Variants in KCNIP4 observed in about 807,000 individuals in gnomAD.
KCNIP4 encodes Kv channel-interacting protein 4.
Under a neutral mutation model 34.0 loss-of-function variants are expected in KCNIP4, and 12 were observed. That is an observed-to-expected ratio of 0.35 (90% CI 0.23 to 0.57). The LOEUF (loss-of-function observed/expected upper bound fraction) is 0.57. Among genes scored for constraint, KCNIP4 ranks in the 20% least tolerant of loss-of-function variants. KCNIP4 has a pLI of 0.83. For missense variants in KCNIP4, 238 were observed against 311.7 expected (o/e 0.76, Z 1.78); for synonymous variants, 124 against 102.2 (o/e 1.21, Z -1.29).
At chr4:20,825,755 A>T (rs1717682851) in intron 3 of KCNIP4, among the ~76,000 whole-genome samples, 1 of 152,172 alleles carries the variant, frequency 6.6e-6, no homozygotes, top group African/African-American at 2.4e-5. Flanking sequence ...TCTTAGGAGA[A>T]TGCAAATTGC....
intron 1 of KCNIP4, among the ~76,000 whole-genome samples, chr4:21,041,230 TCACACACACACACACA>T (rs57664737): frequency 6.9e-6 from 1 of 144,650 alleles, no homozygotes; most frequent in African/African-American, 2.6e-5. Context: ...GATATATATT[TCACACACACACACACA>T]CACACACACA....
intron 3 of KCNIP4, among the ~76,000 whole-genome samples, chr4:20,785,215 G>A (rs1488425345): frequency 6.6e-6 from 1 of 152,124 alleles, no homozygotes; most frequent in Non-Finnish European, 1.5e-5. Flanking sequence ...ACCAGTCTAT[G>A]AGGCTGGACT....
chr4:20,885,223 G>A (rs1725158368), intron 1 of KCNIP4, among the ~76,000 whole-genome samples: 1 of 152,048 alleles, frequency 6.6e-6, no homozygotes. Flanking sequence ...AGGATGAGAG[G>A]AGCGTGAATT....
At chr4:21,630,417 C>A (rs918013184) in intron 1 of KCNIP4, among the ~76,000 whole-genome samples, 34 of 151,244 alleles carry the variant, frequency 2.2e-4, no homozygotes, top group Non-Finnish European at 1.2e-4. Flanking sequence ...TGAGATCCTG[C>A]CACTGAACTC....
intron 1 of KCNIP4, among the ~76,000 whole-genome samples, chr4:21,760,574 GA>G (rs1338387524): frequency 1.3e-5 from 2 of 152,022 alleles, no homozygotes; most frequent in Non-Finnish European, 2.9e-5. Flanking sequence ...GCAGAATTCG[GA>G]ACCCCAGGGC....
At chr4:21,561,773 G>T (rs1027544129) in intron 1 of KCNIP4, among the ~76,000 whole-genome samples, 22 of 151,990 alleles carry the variant, frequency 1.4e-4, no homozygotes, top group Admixed American at 1.4e-3. Flanking sequence ...ATGGCAGTAA[G>T]AGTTTCACAT....
intron 1 of KCNIP4, among the ~76,000 whole-genome samples, chr4:21,586,437 G>T (rs112894402): frequency 7.2e-5 from 11 of 152,002 alleles, no homozygotes; most frequent in African/African-American, 2.2e-4. Flanking sequence ...GCCTCCCCCA[G>T]TGTCTCCCTT....
intron 2 of KCNIP4, among the ~76,000 whole-genome samples, chr4:20,852,312 A>T (rs1721123151): frequency 6.6e-6 from 1 of 152,198 alleles, no homozygotes; most frequent in South Asian, 2.1e-4. Context: ...GAATGCAGGG[A>T]TGGTTTAACA....
At chr4:21,881,457 A>T (rs951135411) in intron 1 of KCNIP4, among the ~76,000 whole-genome samples, 3 of 152,190 alleles carry the variant, frequency 2.0e-5, no homozygotes, top group Non-Finnish European at 4.4e-5. Flanking sequence ...TGAGTATTTG[A>T]AACCTTAATC....
At chr4:21,298,149 C>G (rs907947624) in intron 1 of KCNIP4, among the ~76,000 whole-genome samples, 1 of 152,172 alleles carries the variant, frequency 6.6e-6, no homozygotes, top group African/African-American at 2.4e-5. Context: ...CACTTTTTTT[C>G]ATCCTCTTTG....
chr4:20,992,479 C>A (rs1737163593), intron 1 of KCNIP4, among the ~76,000 whole-genome samples: 1 of 152,150 alleles, frequency 6.6e-6, no homozygotes, highest in African/African-American at 2.4e-5. Context: ...GGTGGGAACA[C>A]AGCCAAACCA....
intron 1 of KCNIP4, among the ~76,000 whole-genome samples, chr4:21,482,624 A>G (rs1403931121): frequency 1.3e-5 from 2 of 152,156 alleles, no homozygotes; most frequent in African/African-American, 4.8e-5. Flanking sequence ...TTCTTTAAGA[A>G]TGTTGAATAT....
At position 20,979,784 on chromosome 4, in the gene KCNIP4, C is replaced by A. The variant is rs56673592; in HGVS notation, c.62-97075G>T. On this transcript the variant is annotated intron_variant, in intron 1 of 8. Coordinates refer to ENST00000382152, the MANE Select transcript of KCNIP4 (RefSeq NM_025221.6). ...ACATGGATCTGTCCCACTTGCTCCCCCAAAGTTGAAGTCTTTAAGTCAATG... is the reference window on the plus strand; with the variant it reads ...ACATGGATCTGTCCCACTTGCTCCCACAAAGTTGAAGTCTTTAAGTCAATG... 3.8e-4 allele frequency among the ~76,000 whole-genome samples: 57 copies of A among 149,270 alleles called. No homozygotes were observed. The East Asian group carries it at 0.011, about 29-fold the overall frequency.
At chr4:21,807,954 C>T (rs1447748591) in intron 1 of KCNIP4, among the ~76,000 whole-genome samples, 2 of 151,984 alleles carry the variant, frequency 1.3e-5, no homozygotes, top group Non-Finnish European at 2.9e-5. Flanking sequence ...TCCCTAAAAG[C>T]TAGGTTTACA....
intron 1 of KCNIP4, among the ~76,000 whole-genome samples, chr4:21,615,472 G>A (rs1490363077): frequency 6.6e-6 from 1 of 151,984 alleles, no homozygotes; most frequent in Non-Finnish European, 1.5e-5. Context: ...CGTTTACCTG[G>A]GAGGTAGAGC....
chr4:21,221,324 A>C (rs1006653656), intron 1 of KCNIP4, among the ~76,000 whole-genome samples: 1 of 152,192 alleles, frequency 6.6e-6, no homozygotes, highest in Non-Finnish European at 1.5e-5. Context: ...ATCCGTTTTC[A>C]TACTGCTATA....
chr4:21,174,245 C>G (rs1754233311), intron 1 of KCNIP4, among the ~76,000 whole-genome samples: 1 of 152,144 alleles, frequency 6.6e-6, no homozygotes, highest in African/African-American at 2.4e-5. Flanking sequence ...ACAAATGTGT[C>G]TTTTCTGGCT....
chr4:21,932,348 G>A (rs1163506776), intron 1 of KCNIP4, among the ~76,000 whole-genome samples: 1 of 152,106 alleles, frequency 6.6e-6, no homozygotes, highest in Non-Finnish European at 1.5e-5. Flanking sequence ...AGCTGGAACA[G>A]GAACAACAGT....
chr4:21,497,489 G>A (rs892197122), intron 1 of KCNIP4, among the ~76,000 whole-genome samples: 1 of 152,008 alleles, frequency 6.6e-6, no homozygotes, highest in African/African-American at 2.4e-5. Flanking sequence ...CATCCCTTAA[G>A]TCCTAGCTCA....
Sources: allele counts gnomAD v4.1 joint callset (sites outside exome capture counted in the v4.1 genomes callset), GRCh38; gene constraint gnomAD v4.1.1; transcripts MANE v1.5; gene names NCBI Gene and HGNC (gene_info 2026-07-23, HGNC 2026-07-21).